The following KIF21A variants were observed in gnomAD, a reference collection of about 807,000 sequenced individuals.
The protein encoded by KIF21A is kinesin-like protein KIF21A.
A neutral mutation model predicts 202.9 loss-of-function variants in KIF21A; 114 were observed. The ratio of observed to expected loss-of-function variants is 0.56; its 90% CI spans 0.48 to 0.66. The LOEUF (loss-of-function observed/expected upper bound fraction) is 0.66. Among genes scored for constraint, KIF21A ranks in the 30% least tolerant of loss-of-function variants. KIF21A has a pLI of 0.00. For synonymous variants in KIF21A, 667 were observed against 670.8 expected, an observed-to-expected ratio of 0.99 and a Z score of 0.09; for missense variants, 1,677 against 1,994.9, an observed-to-expected ratio of 0.84 and a Z score of 3.04.
intron 8 of KIF21A, 138 bp downstream of exon 8, chr12:39,358,040 C>G (rs1948929218): frequency 1.5e-6 from 1 of 684,400 alleles, no homozygotes; most frequent in Non-Finnish European, 2.6e-6. Context: ...ACTAGAGACT[C>G]TTACCTCCAA....
chr12:39,333,395 T>G (rs1418454886), intron 17 of KIF21A, 115 bp from the exon 18 acceptor site: 10 of 777,940 alleles, frequency 1.3e-5, no homozygotes, highest in Non-Finnish European at 2.2e-5. Flanking sequence ...TAGCAGAATC[T>G]TTGAGTCAAC....
chr12:39,307,614 A>T lies in KIF21A; in HGVS notation c.4393T>A (p.Phe1465Ile). 3.7e-6 allele frequency: 6 copies of T among 1,614,156 alleles called. No homozygotes were observed. Among genetic ancestry groups the T allele is most frequent in the Non-Finnish European group, 5.1e-6 (6 of 1,179,990 alleles). ...NQIALNPTGT[F>I]LYAASGNAVR... ...GCATTTCCAGAAGCAGCATAGAGGA[A>T]GGTGCCAGTTGGGTTTAGGGCAATT... Residue 1465 changes from phenylalanine (F) to isoleucine (I), a missense_variant, in exon 34 of 38, where the codon TTC (phenylalanine) becomes ATC (isoleucine). Coordinates refer to ENST00000361418, the MANE Select transcript of KIF21A (RefSeq NM_001173464.2).
chr12:39,341,685 G>A, intron 13 of KIF21A, 63 bp from the exon 14 acceptor site: 2 of 1,517,374 alleles, frequency 1.3e-6, no homozygotes, highest in Non-Finnish European at 8.9e-7. Flanking sequence ...CTCCCTCATT[G>A]AGAGAGGCTG....
At chr12:39,323,796 T>C (rs2137815018) in intron 26 of KIF21A, among the ~76,000 whole-genome samples, 1 of 152,314 alleles carries the variant, frequency 6.6e-6, no homozygotes, top group South Asian at 2.1e-4. Flanking sequence ...CTTCATTTTT[T>C]TCAATAAATG....
rs530120375 is a variant in KIF21A, at chr12:39,370,218, T to G, written c.88A>C (p.Ile30Leu). Residue 30 changes from isoleucine (I) to leucine (L), a missense_variant, in exon 2 of 38, where the codon ATT becomes CTT. Physicochemically the swap from Ile to Leu is conservative, Grantham distance 5 (BLOSUM62 2). Transcript: ENST00000361418. ...TCTCCTGGTGTGACAGATGTACAAA[T>G]ATGGCATCCTTCAATCTTCTCTTTG... is the stretch of plus-strand genomic sequence containing the variant. The part of the protein sequence containing the change: ...LAKEKIEGCH[I>L]CTSVTPGEPQ... 6.2e-7 allele frequency: 1 copy of G among 1,613,564 alleles called. No homozygotes were observed. The highest frequency in any genetic ancestry group is 8.5e-7 in the Non-Finnish European group (1 of 1,179,714).
At position 39,356,863 on chromosome 12, in the gene KIF21A, G is replaced by T; in HGVS notation, c.1438C>A (p.His480Asn). 1 of 1,278,852 alleles carries T rather than the reference G, an allele frequency of 7.8e-7. No homozygotes were observed. Among genetic ancestry groups the T allele is most frequent in the Non-Finnish European group, 1.1e-6 (1 of 878,126 alleles). 79.2% of individuals were successfully genotyped at this position (1,278,852 alleles called of 1,614,324 possible). A position where few individuals can be genotyped will look rare whatever the true frequency, so the allele number is the denominator to read the frequency against. The change falls in exon 10 of 38, where the codon CAT becomes AAT. Residue 480 changes from histidine to asparagine, a missense_variant. His to Asn is a moderately conservative substitution (Grantham distance 68, BLOSUM62 1). This residue lies in a region of KIF21A where 966 missense variants were observed against 1,180.9 expected (regional missense o/e 0.82). Coordinates refer to ENST00000361418, the MANE Select transcript of KIF21A (RefSeq NM_001173464.2). ...EGNEEISNMI[H>N]SYIKEIEDLR... Reference sequence around the variant, plus strand: ...TCTTCGATTTCTTTTATATAACTATGAATCATATTACTAATCTCCTCATTT... The same window carrying T: ...TCTTCGATTTCTTTTATATAACTATTAATCATATTACTAATCTCCTCATTT...
Position 39,330,683 on chromosome 12 carries a change from T to C in KIF21A, c.3319+63A>G, listed in dbSNP as rs1252968749. 16 of 1,401,132 alleles carry C rather than the reference T, an allele frequency of 1.1e-5. No homozygotes were observed. The East Asian group carries it at 3.2e-4, about 28-fold the overall frequency. 86.8% of individuals were successfully genotyped at this position (1,401,132 alleles called of 1,614,324 possible). A position where few individuals can be genotyped will look rare whatever the true frequency, so the allele number is the denominator to read the frequency against. ...AGCCATAGGGGAAAGGGATATACTA[T>C]ACCATGTTCAAAAAGCAAAGCTACC... is the stretch of plus-strand genomic sequence containing the variant. On this transcript the variant is annotated intron_variant, in intron 23 of 37. Coordinates refer to ENST00000361418, the MANE Select transcript of KIF21A (RefSeq NM_001173464.2).
In KIF21A at chr12:39,357,350, G is replaced by A; in HGVS notation, c.1303C>T (p.Leu435=). 6.2e-7 allele frequency: 1 copy of A among 1,613,938 alleles called. No individual in the cohort carries two copies. The highest frequency in any genetic ancestry group is 8.5e-7 in the Non-Finnish European group (1 of 1,179,868). Residue 435 remains leucine, a synonymous_variant, in exon 9 of 38, where the codon CTG becomes TTG. Transcript: ENST00000361418. The part of the protein sequence containing the change: ...NAMLQTENNN[L]RVRIKAMQET... Reference sequence around the variant, plus strand: ...TGCATGGCTTTAATTCTTACACGCAGGTTATTATTTTCAGTCTGTAGCATA... The same window carrying A: ...TGCATGGCTTTAATTCTTACACGCAAGTTATTATTTTCAGTCTGTAGCATA...
intron 1 of KIF21A, among the ~76,000 whole-genome samples, chr12:39,439,067 C>T (rs1404085182): frequency 6.6e-6 from 1 of 152,132 alleles, no homozygotes; most frequent in Non-Finnish European, 1.5e-5. Flanking sequence ...TACCTTCCTA[C>T]ACCCATGCAC....
chr12:39,367,979 T>A lies in KIF21A; in HGVS notation c.504A>T (p.Ala168=), dbSNP rs374018138. 2.5e-6 allele frequency: 4 copies of A among 1,604,144 alleles called. No homozygotes were observed. In the African/African-American group the frequency reaches 5.4e-5, roughly 21 times the overall value. ...TTCTTATATTTGATTTTTTACTTTT[T>A]GCATCAATATCACGAGTGGTATCAA... ...DLFDTTRDID[A]KSKKSNIRIH... Residue 168 remains alanine (A), a synonymous_variant, in exon 4 of 38, where the codon GCA becomes GCT. Coordinates refer to ENST00000361418, the MANE Select transcript of KIF21A (RefSeq NM_001173464.2).
intron 1 of KIF21A, among the ~76,000 whole-genome samples, chr12:39,436,500 G>A (rs777911757): frequency 7.4e-6 from 1 of 135,430 alleles, no homozygotes; most frequent in Non-Finnish European, 1.5e-5. Flanking sequence ...GAGTGCTGTG[G>A]CTATTCACAG....
chr12:39,424,012 A>G (rs999990465), intron 1 of KIF21A, among the ~76,000 whole-genome samples: 2 of 148,786 alleles, frequency 1.3e-5, no homozygotes, highest in African/African-American at 4.9e-5. Flanking sequence ...AAAAAAAAAA[A>G]GGCAGTCAGA....
At position 39,375,732 on chromosome 12, in the gene KIF21A, A is replaced by G. The variant is rs73086876; in HGVS notation, c.45-5471T>C. Among the ~76,000 whole-genome samples the G allele has an allele frequency of 3.6e-3, 549 of 152,194 alleles. 2 individuals are homozygous for G. Among genetic ancestry groups the G allele is most frequent in the Non-Finnish European group, 6.2e-3 (422 of 67,990 alleles). The stretch of plus-strand genomic sequence containing the variant: ...TTTGTGTCTTCTGTCACTATTTATG[A>G]TACAGTAATGGGTTAGCTTGTTAGC... On this transcript the variant is annotated intron_variant, in intron 1 of 37. Coordinates refer to ENST00000361418, the MANE Select transcript of KIF21A (RefSeq NM_001173464.2).
intron 1 of KIF21A, among the ~76,000 whole-genome samples, chr12:39,390,835 T>C (rs1301890103): frequency 1.3e-5 from 2 of 152,166 alleles, no homozygotes; most frequent in Non-Finnish European, 2.9e-5. Flanking sequence ...AGTACAATAA[T>C]CCTAAGAAGT....
intron 1 of KIF21A, among the ~76,000 whole-genome samples, chr12:39,373,236 G>A (rs1342024209): frequency 6.6e-6 from 1 of 152,186 alleles, no homozygotes; most frequent in Non-Finnish European, 1.5e-5. Flanking sequence ...TAGCCGTGGT[G>A]ATGGTTTATT....
chr12:39,379,352 A>G (rs1950469858), intron 1 of KIF21A, among the ~76,000 whole-genome samples: 1 of 151,714 alleles, frequency 6.6e-6, no homozygotes, highest in African/African-American at 2.4e-5. Flanking sequence ...AACCTGTTAG[A>G]ATTTAGGGAA....
chr12:39,369,699 A>G (rs1169759782), intron 3 of KIF21A, 30 bp downstream of exon 3: 2 of 1,580,466 alleles, frequency 1.3e-6, no homozygotes, highest in East Asian at 2.2e-5. Context: ...CAAAATTTAA[A>G]AGAAATTAAT....
intron 31 of KIF21A, among the ~76,000 whole-genome samples, chr12:39,314,221 A>G (rs957241864): frequency 1.3e-5 from 2 of 151,810 alleles, no homozygotes. Flanking sequence ...AGGAATTATT[A>G]TCTCTGGATA....
chr12:39,379,632 G>A (rs61937873), intron 1 of KIF21A, among the ~76,000 whole-genome samples: 17,198 of 152,188 alleles, frequency 0.11, 1,242 homozygotes, highest in Non-Finnish European at 0.17. Context: ...CTCAGCAATG[G>A]GAGGTATCAG....
Sources: allele counts gnomAD v4.1 joint callset (sites outside exome capture counted in the v4.1 genomes callset), GRCh38; gene constraint gnomAD v4.1.1; regional missense constraint gnomAD v4.1.1; transcripts MANE v1.5; gene names NCBI Gene and HGNC (gene_info 2026-07-23, HGNC 2026-07-21).